PIK3CA: variants seen among roughly 807,000 people sequenced by gnomAD.
The protein encoded by PIK3CA is phosphatidylinositol 4,5-bisphosphate 3-kinase catalytic subunit alpha isoform.
In PIK3CA, 27 loss-of-function variants were observed where a neutral mutation model predicts 138.2. The ratio of observed to expected loss-of-function variants is 0.20; its 90% CI spans 0.14 to 0.27. PIK3CA has a LOEUF of 0.27. Ranked by LOEUF, PIK3CA falls within the 10% of genes least tolerant of loss-of-function variation. PIK3CA has a pLI of 1.00. For missense variants in PIK3CA, 544 were observed against 1,277.4 expected (o/e 0.43, Z 8.75); for synonymous variants, 358 against 413.2 (o/e 0.87, Z 1.62).
At chr3:179,156,406 C>T (rs1723140952) in intron 1 of PIK3CA, among the ~76,000 whole-genome samples, 1 of 152,134 alleles carries the variant, frequency 6.6e-6, no homozygotes, top group Non-Finnish European at 1.5e-5. Context: ...CCCTTAATAG[C>T]CACTGGCCAT....
intron 20 of PIK3CA, among the ~76,000 whole-genome samples, chr3:179,232,770 T>G (rs1356710515): frequency 1.3e-5 from 2 of 152,160 alleles, no homozygotes; most frequent in African/African-American, 4.8e-5. Context: ...AGCTTGGTTG[T>G]TGTTGGTGTA....
At chr3:179,209,497 TTTGG>T (rs1724653972) in intron 6 of PIK3CA, 94 bp from the exon 7 acceptor site, 2 of 632,948 alleles carry the variant, frequency 3.2e-6, no homozygotes, top group Admixed American at 2.6e-5. Flanking sequence ...CTGTTTTTCG[TTTGG>T]TTGATCTTTG....
intron 1 of PIK3CA, among the ~76,000 whole-genome samples, chr3:179,184,161 A>C (rs999135130): frequency 6.6e-6 from 1 of 152,230 alleles, no homozygotes; most frequent in Non-Finnish European, 1.5e-5. Flanking sequence ...ACTTACCAGC[A>C]GGCTGTTTTC....
At chr3:179,200,614 C>T (rs1276494116) in intron 3 of PIK3CA, among the ~76,000 whole-genome samples, 1 of 152,078 alleles carries the variant, frequency 6.6e-6, no homozygotes, top group Non-Finnish European at 1.5e-5. Context: ...AAATTCTTTT[C>T]TATTCTAGCA....
chr3:179,177,257 T>G (rs1369239288), intron 1 of PIK3CA, among the ~76,000 whole-genome samples: 1 of 152,052 alleles, frequency 6.6e-6, no homozygotes. Context: ...TTAGTGAGAT[T>G]TATCCATCTT....
intron 1 of PIK3CA, among the ~76,000 whole-genome samples, chr3:179,152,235 C>T (rs1723031210): frequency 6.6e-6 from 1 of 152,134 alleles, no homozygotes. Flanking sequence ...GAGTGGCATT[C>T]CACCTCAGAC....
rs1055806239 is a variant in PIK3CA at position 179,209,771 on chromosome 3, TTC to T, written c.1251+72_1251+73del. ...CTGATTATACCGCTGATTGAATTTT[TTC>T]ACAAATTGGATGTTATTTTATATTT... is the stretch of plus-strand genomic sequence containing the variant. On this transcript the variant is annotated intron_variant, in intron 7 of 20. Transcript: ENST00000263967. 3.9e-6 allele frequency: 3 copies of T among 762,280 alleles called. No individual in the cohort carries two copies. In the African/African-American group the frequency reaches 5.4e-5, roughly 14 times the overall value. 47.2% of individuals were successfully genotyped at this position (762,280 alleles called of 1,614,324 possible). A position where few individuals can be genotyped will look rare whatever the true frequency, so the allele number is the denominator to read the frequency against.
rs373901635 is a variant in PIK3CA at position 179,201,609 on chromosome 3, A to AT, written c.813+85dup. 0.14 allele frequency: 106,558 copies of AT among 754,654 alleles called. 1,172 individuals carry two copies. The highest frequency in any genetic ancestry group is 0.2 in the Middle Eastern group (452 of 2,228). 46.7% of individuals were successfully genotyped at this position (754,654 alleles called of 1,614,324 possible). A position where few individuals can be genotyped will look rare whatever the true frequency, so the allele number is the denominator to read the frequency against. Reference sequence around the variant, plus strand: ...AATCACATTGAGGATGAGTATCTGTATTTTTTTTTTTTTTTTGAGACGGAA... The same window carrying AT: ...AATCACATTGAGGATGAGTATCTGTATTTTTTTTTTTTTTTTTGAGACGGAA... On this transcript the variant is annotated intron_variant, in intron 4 of 20. Transcript: ENST00000263967.
At chr3:179,222,130 G>GA (rs150987912) in intron 14 of PIK3CA, among the ~76,000 whole-genome samples, 14 of 137,926 alleles carry the variant, frequency 1.0e-4, no homozygotes, top group Middle Eastern at 3.8e-3. Context: ...CTAGTAAAAG[G>GA]AAAAAAAAAA....
intron 1 of PIK3CA, among the ~76,000 whole-genome samples, chr3:179,164,448 C>A (rs983093111): frequency 1.3e-5 from 2 of 152,204 alleles, no homozygotes; most frequent in African/African-American, 4.8e-5. Context: ...GTGGGAAGCA[C>A]TCTAGAAAGG....
intron 1 of PIK3CA, among the ~76,000 whole-genome samples, chr3:179,154,668 C>G (rs1259271333): frequency 2.6e-5 from 4 of 152,062 alleles, no homozygotes; most frequent in African/African-American, 9.7e-5. Context: ...GTGTTGCTTG[C>G]TAAGTAACAT....
At chr3:179,218,418 T>TA (rs1376561015) in intron 10 of PIK3CA, 84 bp downstream of exon 10, 3 of 1,078,176 alleles carry the variant, frequency 2.8e-6, no homozygotes, top group South Asian at 3.6e-5. Flanking sequence ...AGCATGTTTT[T>TA]ACCATACCTA....
At chr3:179,164,163 T>C (rs988236189) in intron 1 of PIK3CA, among the ~76,000 whole-genome samples, 14 of 151,990 alleles carry the variant, frequency 9.2e-5, no homozygotes, top group African/African-American at 3.1e-4. Context: ...TATACAAAAC[T>C]ATAGAAAACA....
chr3:179,198,591 AGAGCAACAG>A (rs1231899091), intron 1 of PIK3CA, among the ~76,000 whole-genome samples, 150 bp from the exon 2 acceptor site: 10 of 152,358 alleles, frequency 6.6e-5, no homozygotes, highest in East Asian at 3.9e-4. Context: ...AGCCTAATTT[AGAGCAACAG>A]TCTAGATTAG....
At chr3:179,193,759 A>AGAGTTCCAGATAGTAGTGATTTGT (rs1345684737) in intron 1 of PIK3CA, among the ~76,000 whole-genome samples, 1 of 152,252 alleles carries the variant, frequency 6.6e-6, no homozygotes, top group Non-Finnish European at 1.5e-5. Context: ...TTTACTCTTA[A>AGAGTTCCAGATAGTAGTGATTTGT]GAGTTCCAGA....
At chr3:179,176,399 T>G (rs1723698529) in intron 1 of PIK3CA, among the ~76,000 whole-genome samples, 1 of 152,132 alleles carries the variant, frequency 6.6e-6, no homozygotes. Flanking sequence ...GGTGAGGTTT[T>G]TGTTTGTTGT....
intron 17 of PIK3CA, among the ~76,000 whole-genome samples, chr3:179,228,528 A>T (rs114815071): frequency 0.018 from 2,729 of 151,848 alleles, 110 homozygotes; most frequent in South Asian, 0.13. Flanking sequence ...CTATTATAAT[A>T]CTCCTTCTTT....
rs200404201 is a variant in PIK3CA, at chr3:179,221,050, G to A, written c.2080G>A (p.Ala694Thr). 2 of 1,612,728 alleles carry A rather than the reference G, an allele frequency of 1.2e-6. No homozygotes were observed. The highest frequency in any genetic ancestry group is 2.7e-5 in the African/African-American group (2 of 74,840). Residue 694 changes from alanine (A) to threonine (T), a missense_variant, in exon 14 of 21, where the codon GCA (alanine) becomes ACA (threonine). Ala to Thr is a moderately conservative substitution (Grantham distance 58). Transcript: ENST00000263967. ...CCTGCTTTTGGAGTCCTATTGTCGT[G>A]CATGTGGGATGTATTTGAAGCACCT... Reference protein sequence around the residue: ...FGLLLESYCRACGMYLKHLNR... With the variant: ...FGLLLESYCRTCGMYLKHLNR...
At position 179,170,772 on chromosome 3, in the gene PIK3CA, A is replaced by G. The variant is rs1213465891; in HGVS notation, c.-77+22169A>G. Among the ~76,000 whole-genome samples the G allele has an allele frequency of 3.9e-5, 6 of 152,356 alleles. No homozygotes were observed. In the East Asian group the frequency reaches 1.2e-3, roughly 29 times the overall value. On this transcript the variant is annotated intron_variant, in intron 1 of 20. Coordinates refer to ENST00000263967, the MANE Select transcript of PIK3CA (RefSeq NM_006218.4). ...ATATAAAAATTCTAAATGTATATGC[A>G]CTTAAGAGAGGCACAAAATGCATGA...
Sources: gnomAD v4.1 joint callset for allele counts (sites outside exome capture counted in the v4.1 genomes callset) on GRCh38, gnomAD v4.1.1 for gene constraint, MANE v1.5 for transcripts, NCBI Gene and HGNC (gene_info 2026-07-23, HGNC 2026-07-21) for gene names.